PITPNM2: variants seen among roughly 807,000 people sequenced by gnomAD.
PITPNM2 encodes phosphatidylinositol transfer protein membrane associated 2.
In PITPNM2, 35 loss-of-function variants were observed where a neutral mutation model predicts 132.2. The ratio of observed to expected loss-of-function variants is 0.26; its 90% CI spans 0.20 to 0.35. The LOEUF is 0.35. Among genes scored for constraint, PITPNM2 ranks in the 10% least tolerant of loss-of-function variants. PITPNM2 has a pLI of 1.00. For missense variants in PITPNM2, 1,332 were observed against 1,912.0 expected (o/e 0.70, Z 5.66); for synonymous variants, 738 against 799.2 (o/e 0.92, Z 1.29).
intron 10 of PITPNM2, among the ~76,000 whole-genome samples, chr12:122,999,191 G>A (rs576918924): frequency 1.3e-5 from 2 of 152,184 alleles, no homozygotes; most frequent in Admixed American, 1.3e-4. Context: ...GCAGCAAGAA[G>A]CCTGGTGGGT....
intron 2 of PITPNM2, among the ~76,000 whole-genome samples, chr12:123,039,283 C>CA (rs959712806): frequency 2.3e-4 from 35 of 149,362 alleles, no homozygotes; most frequent in East Asian, 1.9e-3. Flanking sequence ...ACATAAAATT[C>CA]AAAAAAAAAG....
chr12:123,141,586 G>A (rs76074579), intron 1 of PITPNM2, among the ~76,000 whole-genome samples: 6 of 152,262 alleles, frequency 3.9e-5, no homozygotes, highest in African/African-American at 1.2e-4. Context: ...AAGAGCAGCC[G>A]TCTCCTGGAG....
At chr12:122,987,196 C>T (rs2037973718) in intron 23 of PITPNM2, 85 bp downstream of exon 23, 8 of 1,572,064 alleles carry the variant, frequency 5.1e-6, no homozygotes, top group South Asian at 2.3e-5. Context: ...ACAGAGGCTC[C>T]GCTGTCCTCC....
At chr12:123,070,795 T>C (rs2041601029) in intron 2 of PITPNM2, among the ~76,000 whole-genome samples, 1 of 152,184 alleles carries the variant, frequency 6.6e-6, no homozygotes, top group Non-Finnish European at 1.5e-5. Context: ...ACCAGGCTAG[T>C]TGTGGGGGCA....
At chr12:123,125,804 T>C (rs2043124859) in intron 1 of PITPNM2, among the ~76,000 whole-genome samples, 1 of 125,738 alleles carries the variant, frequency 8.0e-6, no homozygotes, top group East Asian at 2.8e-4. Flanking sequence ...ATTACTCCAC[T>C]GTACTCCAGC....
intron 2 of PITPNM2, among the ~76,000 whole-genome samples, chr12:123,098,822 A>G (rs2042477947): frequency 6.6e-6 from 1 of 151,972 alleles, no homozygotes; most frequent in Non-Finnish European, 1.5e-5. Flanking sequence ...TCCCAGCCCA[A>G]TCTCCATCCT....
At chr12:123,147,002 C>A (rs1455010739) in intron 1 of PITPNM2, among the ~76,000 whole-genome samples, 1 of 152,224 alleles carries the variant, frequency 6.6e-6, no homozygotes, top group Non-Finnish European at 1.5e-5. Context: ...AGGTTCCCCA[C>A]TTTAATATCT....
In PITPNM2 at chr12:123,008,158, C is replaced by T. The variant is rs999104521; in HGVS notation, c.643+1692G>A. ...ACTCTAAAGTTGTCTTCTTTCTTCC[C>T]ACCAGCCACAAGCTCCTGCTTTCTG... is the stretch of plus-strand genomic sequence containing the variant. On this transcript the variant is annotated intron_variant, in intron 6 of 25. Coordinates refer to ENST00000320201, the MANE Select transcript of PITPNM2 (RefSeq NM_020845.3). This position sits in a 1 kb window ranked among gnomAD's most constrained non-coding sequence, Gnocchi z 4.1. Among the ~76,000 whole-genome samples the T allele has an allele frequency of 6.6e-6, 1 of 152,216 alleles. No homozygotes were observed. Among genetic ancestry groups the T allele is most frequent in the African/African-American group, 2.4e-5 (1 of 41,448 alleles).
intron 11 of PITPNM2, 79 bp from the exon 12 acceptor site, chr12:122,996,989 C>T (rs1566236386): frequency 2.3e-6 from 3 of 1,311,136 alleles, no homozygotes; most frequent in Non-Finnish European, 3.1e-6. Flanking sequence ...ACCTGAGTCT[C>T]AGCCATGGAC....
In PITPNM2 at chr12:123,082,735, C is replaced by T. The variant is rs2042001891; in HGVS notation, c.-96+27650G>A. The T allele has an allele frequency of 6.6e-6, 1 of 152,216 alleles. No homozygotes were observed. The highest frequency in any genetic ancestry group is 6.5e-5 in the Admixed American group (1 of 15,282). The allele number at this position is 152,216 out of a possible 1,614,324, so 9.4% of individuals were successfully genotyped here. ...GCAGGCGTGGCCACCGTGCCTGACC[C>T]ATCTTAGCCACTCCCAAGTGCACAC... On this transcript the variant is annotated intron_variant, in intron 2 of 25. Transcript: ENST00000320201. The surrounding 1 kb of genome is among the most constrained non-coding windows in gnomAD (Gnocchi z 5.4).
chr12:123,046,566 C>G lies in PITPNM2; in HGVS notation c.-95-11881G>C, dbSNP rs2040666286. On this transcript the variant is annotated intron_variant, in intron 2 of 25. Transcript: ENST00000320201. ...ACATTTTCCTCACCCAAAAAGAAAGCCCATTTCTCATTAAGCTCATTAAGC... is the reference window on the plus strand; with the variant it reads ...ACATTTTCCTCACCCAAAAAGAAAGGCCATTTCTCATTAAGCTCATTAAGC... Among the ~76,000 whole-genome samples, 6 of 152,186 alleles carry G rather than the reference C, an allele frequency of 3.9e-5. No homozygotes were observed. In the South Asian group the frequency reaches 1.2e-3, roughly 32 times the overall value.
chr12:122,987,686 T>G, intron 21 of PITPNM2, 27 bp from the exon 22 acceptor site: 1 of 1,611,014 alleles, frequency 6.2e-7, no homozygotes, highest in East Asian at 2.2e-5. Context: ...GGTCACGGGC[T>G]GGCTGTGTCT....
chr12:123,070,587 C>T (rs1592990359), intron 2 of PITPNM2, among the ~76,000 whole-genome samples: 1 of 152,338 alleles, frequency 6.6e-6, no homozygotes, highest in South Asian at 2.1e-4. Context: ...CCCCTCCCAG[C>T]TCCACTGGCT....
At chr12:123,075,383 C>T (rs994820574) in intron 2 of PITPNM2, among the ~76,000 whole-genome samples, 3 of 152,214 alleles carry the variant, frequency 2.0e-5, no homozygotes, top group Admixed American at 1.3e-4. Flanking sequence ...CGCATCAGAG[C>T]GGCCTGTCCT....
chr12:123,148,953 T>C (rs1229730980), intron 1 of PITPNM2, among the ~76,000 whole-genome samples: 3 of 152,076 alleles, frequency 2.0e-5, no homozygotes, highest in Non-Finnish European at 4.4e-5. Flanking sequence ...GCACCATGCC[T>C]TTGAAAGCCT....
intron 2 of PITPNM2, chr12:123,091,514 C>G (rs1279769026): frequency 6.6e-6 from 1 of 152,224 alleles, no homozygotes. Context: ...CTCCTCTGCA[C>G]AGGCCTGGGG....
chr12:122,987,063 C>T (rs1391311851), intron 23 of PITPNM2, among the ~76,000 whole-genome samples: 6 of 152,384 alleles, frequency 3.9e-5, no homozygotes, highest in South Asian at 2.1e-4. Flanking sequence ...CTTCCAGATG[C>T]GGGAATTGAA....
At chr12:123,121,786 C>A (rs1284268037) in intron 1 of PITPNM2, among the ~76,000 whole-genome samples, 1 of 151,982 alleles carries the variant, frequency 6.6e-6, no homozygotes. Context: ...CTCAAGCAAT[C>A]CTCCCGCCTC....
At chr12:123,016,370 C>T (rs1044420351) in intron 3 of PITPNM2, among the ~76,000 whole-genome samples, 11 of 150,300 alleles carry the variant, frequency 7.3e-5, no homozygotes, top group Non-Finnish European at 1.2e-4. Flanking sequence ...GGCTGGAGTG[C>T]AGTGGCATGA....
Sources: allele counts gnomAD v4.1 joint callset (sites outside exome capture counted in the v4.1 genomes callset), GRCh38; gene constraint gnomAD v4.1.1; non-coding constraint Gnocchi (gnomAD v3.1); transcripts MANE v1.5; gene names NCBI Gene and HGNC (gene_info 2026-07-23, HGNC 2026-07-21).